Variants in TTLL5 observed in about 807,000 individuals in gnomAD.
TTLL5 encodes tubulin tyrosine ligase like 5.
A neutral mutation model predicts 168.4 loss-of-function variants in TTLL5; 132 were observed. That is an observed-to-expected ratio of 0.78 (90% CI 0.68 to 0.91). The LOEUF (loss-of-function observed/expected upper bound fraction) is 0.91. Ranked by LOEUF, TTLL5 falls within the 40% of genes least tolerant of loss-of-function variation. The probability of loss-of-function intolerance (pLI) is 0.00; values close to 1 mark genes in which losing one functional copy is unlikely to be tolerated. For synonymous variants in TTLL5, 546 were observed against 558.6 expected (o/e 0.98, Z 0.32); for missense variants, 1,545 against 1,581.5 (o/e 0.98, Z 0.39).
At chr14:75,923,557 G>T (rs1341913622) in intron 31 of TTLL5, among the ~76,000 whole-genome samples, 1 of 152,174 alleles carries the variant, frequency 6.6e-6, no homozygotes, top group Non-Finnish European at 1.5e-5. Flanking sequence ...TAATTTGATT[G>T]CACTGTGATC....
At chr14:75,686,961 T>G (rs1594870380) in intron 5 of TTLL5, among the ~76,000 whole-genome samples, 1 of 152,176 alleles carries the variant, frequency 6.6e-6, no homozygotes, top group East Asian at 1.9e-4. Flanking sequence ...CTGTTGAAGG[T>G]TTTGAAGCTA....
At chr14:75,930,747 T>A (rs977468734) in intron 31 of TTLL5, 2 of 569,638 alleles carry the variant, frequency 3.5e-6, no homozygotes, top group Non-Finnish European at 4.4e-6. Context: ...ATATTGAGGC[T>A]AAGATTAAGT....
chr14:75,680,401 T>A (rs1454572235), intron 3 of TTLL5, among the ~76,000 whole-genome samples: 1 of 152,172 alleles, frequency 6.6e-6, no homozygotes, highest in Non-Finnish European at 1.5e-5. Flanking sequence ...TCCAGGTTTT[T>A]TTAAGAGACG....
chr14:75,949,809 C>T (rs770522859), intron 31 of TTLL5, among the ~76,000 whole-genome samples: 1 of 150,794 alleles, frequency 6.6e-6, no homozygotes, highest in Non-Finnish European at 1.5e-5. Context: ...GAGATCACAC[C>T]GCTGCACTCC....
At chr14:75,677,955 T>G (rs1884310246) in intron 3 of TTLL5, among the ~76,000 whole-genome samples, 1 of 152,070 alleles carries the variant, frequency 6.6e-6, no homozygotes, top group Non-Finnish European at 1.5e-5. Flanking sequence ...CCCTTGTCTC[T>G]TATTCCCCAT....
At chr14:75,804,074 C>T (rs1893504585) in intron 27 of TTLL5, among the ~76,000 whole-genome samples, 1 of 152,196 alleles carries the variant, frequency 6.6e-6, no homozygotes, top group African/African-American at 2.4e-5. Flanking sequence ...GCTCCCCAAC[C>T]AGCCAGTGCC....
At chr14:75,813,808 T>G (rs940594427) in intron 27 of TTLL5, among the ~76,000 whole-genome samples, 8 of 148,512 alleles carry the variant, frequency 5.4e-5, no homozygotes, top group Non-Finnish European at 3.0e-5. Context: ...GGGCATGTTC[T>G]TTGAGTCATG....
chr14:75,863,184 T>TA (rs2030175925), intron 28 of TTLL5, among the ~76,000 whole-genome samples: 1 of 152,094 alleles, frequency 6.6e-6, no homozygotes, highest in Admixed American at 6.6e-5. Context: ...AAACAACTTC[T>TA]AAAAAATATT....
intron 12 of TTLL5, among the ~76,000 whole-genome samples, chr14:75,723,560 A>G (rs760617926): frequency 1.3e-5 from 2 of 152,114 alleles, no homozygotes; most frequent in Non-Finnish European, 2.9e-5. Flanking sequence ...TGCTGTAAAA[A>G]TCTTTGTTCT....
At chr14:75,930,544 A>G (rs2034241677) in intron 31 of TTLL5, 2 of 936,578 alleles carry the variant, frequency 2.1e-6, no homozygotes, top group African/African-American at 3.5e-5. Context: ...CATTTTGAAT[A>G]AAGGATAATC....
intron 30 of TTLL5, among the ~76,000 whole-genome samples, chr14:75,884,159 A>C (rs896283091): frequency 1.3e-5 from 2 of 152,244 alleles, no homozygotes; most frequent in Non-Finnish European, 1.5e-5. Flanking sequence ...CCCAGGTAAG[A>C]GCTCAGTAAG....
rs374734436 is a variant in TTLL5 at position 75,915,981 on chromosome 14, TAGAC to T, written c.3823+13760_3823+13763del. On this transcript the variant is annotated intron_variant, in intron 31 of 31. Transcript: ENST00000298832. ...CGTCTCTACAGACAATAAAAACAAT[TAGAC>T]AGGCATGGTTGCACACACCTGTAGT... is the stretch of plus-strand genomic sequence containing the variant. 4.6e-5 allele frequency among the ~76,000 whole-genome samples: 7 copies of T among 151,840 alleles called. No individual in the cohort carries two copies. In the South Asian group the frequency reaches 1.5e-3, roughly 32 times the overall value.
At chr14:75,663,539 A>C (rs1190442192) in intron 2 of TTLL5, among the ~76,000 whole-genome samples, 1 of 152,216 alleles carries the variant, frequency 6.6e-6, no homozygotes, top group Non-Finnish European at 1.5e-5. Context: ...CCAACAGAAG[A>C]TTTTGAAATG....
rs757710361 is a variant in TTLL5, at chr14:75,735,243, A to G, written c.1235A>G (p.Tyr412Cys). The G allele has an allele frequency of 1.9e-6, 3 of 1,614,204 alleles. No homozygotes were observed. Among genetic ancestry groups the G allele is most frequent in the Non-Finnish European group, 2.5e-6 (3 of 1,179,996 alleles). ...PAQRASTRPI[Y>C]PTFESSRRNP... ...CAGCGGGCATCAACTCGGCCAATTTATCCCACCTTTGAGTCTTCCAGGCGA... is the reference window on the plus strand; with the variant it reads ...CAGCGGGCATCAACTCGGCCAATTTGTCCCACCTTTGAGTCTTCCAGGCGA... The change falls in exon 15 of 32, where the codon TAT (tyrosine) becomes TGT (cysteine). Residue 412 changes from tyrosine (Y) to cysteine (C), a missense_variant. Tyr to Cys is a radical substitution (Grantham distance 194). Coordinates refer to ENST00000298832, the MANE Select transcript of TTLL5 (RefSeq NM_015072.5).
chr14:75,849,738 C>A (rs540320793), intron 28 of TTLL5, among the ~76,000 whole-genome samples: 33 of 152,318 alleles, frequency 2.2e-4, no homozygotes, highest in Admixed American at 9.8e-4. Context: ...AACTAGGTTT[C>A]CCCAAGGCAT....
In TTLL5 at chr14:75,766,315, G is replaced by A. The variant is rs1196593240; in HGVS notation, c.1962G>A (p.Glu654=). The A allele has an allele frequency of 1.2e-6, 2 of 1,613,790 alleles. No homozygotes were observed. The highest frequency in any genetic ancestry group is 1.7e-6 in the Non-Finnish European group (2 of 1,179,962). The change falls in exon 20 of 32, where the codon GAG becomes GAA. Residue 654 remains glutamate (E), a synonymous_variant. Transcript: ENST00000298832. ...GGHCCKLETQ[E]LEPKFNLMQI... ...ACTGCTGCAAACTTGAGACTCAGGA[G>A]CTAGAGCCTAAATTTAACCTGATGC...
chr14:75,784,092 A>G (rs143814317), intron 26 of TTLL5, among the ~76,000 whole-genome samples: 142 of 152,302 alleles, frequency 9.3e-4, no homozygotes, highest in South Asian at 6.6e-3. Flanking sequence ...ATATATATCT[A>G]TCTTCACAGA....
At chr14:75,701,830 C>T (rs1783279288) in intron 7 of TTLL5, among the ~76,000 whole-genome samples, 1 of 152,202 alleles carries the variant, frequency 6.6e-6, no homozygotes, top group Admixed American at 6.5e-5. Context: ...GAAGGTCACT[C>T]TTATCTCTTT....
At chr14:75,681,694 T>C (rs891754595) in intron 4 of TTLL5, 67 bp downstream of exon 4, 1 of 1,395,330 alleles carries the variant, frequency 7.2e-7, no homozygotes, top group African/African-American at 1.4e-5. Context: ...CCTAACTGAC[T>C]TTACCAGTTA....
Sources: allele counts gnomAD v4.1 joint callset (sites outside exome capture counted in the v4.1 genomes callset), GRCh38; gene constraint gnomAD v4.1.1; transcripts MANE v1.5; gene names NCBI Gene and HGNC (gene_info 2026-07-23, HGNC 2026-07-21).